The following GIPC2 variants were observed in gnomAD, a reference collection of about 807,000 sequenced individuals.
The protein encoded by GIPC2 is GIPC PDZ domain containing family member 2.
In GIPC2, 30 loss-of-function variants were observed where a neutral mutation model predicts 30.6. That is an observed-to-expected ratio of 0.98 (90% CI 0.73 to 1.33). GIPC2 has a LOEUF of 1.33. Among genes scored for constraint, GIPC2 ranks in the 40% most tolerant of loss-of-function variants. GIPC2 has a pLI of 0.00. For synonymous variants in GIPC2, 167 were observed against 150.0 expected (o/e 1.11, Z -0.83); for missense variants, 414 against 390.3 (o/e 1.06, Z -0.51).
At chr1:78,075,102 G>T (rs902199817) in intron 1 of GIPC2, among the ~76,000 whole-genome samples, 2 of 152,136 alleles carry the variant, frequency 1.3e-5, no homozygotes, top group African/African-American at 4.8e-5. Context: ...GTTTTCAGCT[G>T]CAAGTAACAG....
At chr1:78,084,282 G>C (rs1167466269) in intron 2 of GIPC2, among the ~76,000 whole-genome samples, 3 of 152,190 alleles carry the variant, frequency 2.0e-5, no homozygotes, top group Non-Finnish European at 4.4e-5. Flanking sequence ...GGGAGGCTGA[G>C]GTAGGTGGAT....
At chr1:78,110,487 T>C (rs1662447169) in intron 3 of GIPC2, among the ~76,000 whole-genome samples, 1 of 152,248 alleles carries the variant, frequency 6.6e-6, no homozygotes, top group Non-Finnish European at 1.5e-5. Flanking sequence ...TTTGTAGTCT[T>C]GTCCTGAGAG....
intron 3 of GIPC2, among the ~76,000 whole-genome samples, chr1:78,114,679 T>A (rs576009999): frequency 6.6e-6 from 1 of 152,134 alleles, no homozygotes; most frequent in East Asian, 1.9e-4. Flanking sequence ...GCTCAGAGGA[T>A]TTTTAGGGCA....
At chr1:78,051,577 G>A (rs563981963) in intron 1 of GIPC2, among the ~76,000 whole-genome samples, 1 of 151,876 alleles carries the variant, frequency 6.6e-6, no homozygotes, top group Non-Finnish European at 1.5e-5. Flanking sequence ...TCGGCTCACT[G>A]CAACCTCTGC....
Position 78,135,725 on chromosome 1 carries a change from C to G in GIPC2, c.930C>G (p.Ala310=), listed in dbSNP as rs1452696649. ...VFDVWGVIGD[A]KRRGL is the part of the protein sequence containing the mutation. ...ATGTTTGGGGAGTCATTGGTGATGC[C>G]AAACGAAGAGGATTATGATGTGTAC... The change falls in exon 6 of 6, where the codon GCC becomes GCG. Residue 310 remains alanine, a synonymous_variant. Transcript: ENST00000370759. The G allele has an allele frequency of 6.2e-7, 1 of 1,613,598 alleles. No individual in the cohort carries two copies. The highest frequency in any genetic ancestry group is 1.1e-5 in the South Asian group (1 of 90,976).
At chr1:78,097,260 A>G (rs746274826) in intron 3 of GIPC2, among the ~76,000 whole-genome samples, 9 of 151,998 alleles carry the variant, frequency 5.9e-5, no homozygotes, top group Non-Finnish European at 1.2e-4. Context: ...TTCAAATTTC[A>G]TAGTCCTTCA....
chr1:78,047,324 G>A (rs1037793838), intron 1 of GIPC2, among the ~76,000 whole-genome samples: 2 of 152,194 alleles, frequency 1.3e-5, no homozygotes, highest in African/African-American at 4.8e-5. Context: ...GGCACCTGGA[G>A]TTCTTTAATT....
rs188245901 is a variant in GIPC2 at position 78,107,922 on chromosome 1, A to C, written c.608-11471A>C. ...TATTGTAGCTTTACAGTTTTCAACT[A>C]TATGATGCTCCTCATTAAACAATTT... On this transcript the variant is annotated intron_variant, in intron 3 of 5. Coordinates refer to ENST00000370759, the MANE Select transcript of GIPC2 (RefSeq NM_017655.6). Among the ~76,000 whole-genome samples, 11 of 150,540 alleles carry C rather than the reference A, an allele frequency of 7.3e-5. No individual in the cohort carries two copies. The East Asian group carries it at 2.2e-3, about 30-fold the overall frequency.
rs1270552972 is a variant in GIPC2, at chr1:78,138,184, T to C, written c.*2441T>C. 1.3e-5 allele frequency: 2 copies of C among 152,180 alleles called. No homozygotes were observed. The highest frequency in any genetic ancestry group is 4.8e-5 in the African/African-American group (2 of 41,446). 9.4% of individuals were successfully genotyped at this position (152,180 alleles called of 1,614,324 possible). A position where few individuals can be genotyped will look rare whatever the true frequency, so the allele number is the denominator to read the frequency against. On this transcript the variant is annotated 3_prime_UTR_variant, in exon 6 of 6. Coordinates refer to ENST00000370759, the MANE Select transcript of GIPC2 (RefSeq NM_017655.6). ...TGAGGCCTTGAACATAGCTGAGTCC[T>C]AATCAGATGTATATACTCTGATGAT...
intron 3 of GIPC2, among the ~76,000 whole-genome samples, chr1:78,115,884 A>G (rs1292962082): frequency 6.6e-6 from 1 of 152,244 alleles, no homozygotes; most frequent in African/African-American, 2.4e-5. Context: ...CAAAATTAAT[A>G]TGCAAAATTA....
At chr1:78,066,622 A>G (rs1310648116) in intron 1 of GIPC2, among the ~76,000 whole-genome samples, 1 of 152,210 alleles carries the variant, frequency 6.6e-6, no homozygotes, top group Non-Finnish European at 1.5e-5. Flanking sequence ...TAGCAAAGAC[A>G]TGGATTCAAC....
chr1:78,097,682 A>G (rs974916097), intron 3 of GIPC2, among the ~76,000 whole-genome samples: 9 of 152,204 alleles, frequency 5.9e-5, no homozygotes, highest in Non-Finnish European at 5.9e-5. Flanking sequence ...ATGGAGAGCT[A>G]CGTAATAAAC....
At position 78,055,604 on chromosome 1, in the gene GIPC2, T is replaced by C. The variant is rs191835572; in HGVS notation, c.240+9270T>C. Among the ~76,000 whole-genome samples the C allele has an allele frequency of 3.3e-5, 5 of 152,310 alleles. No homozygotes were observed. The East Asian group carries it at 7.7e-4, about 24-fold the overall frequency. The stretch of plus-strand genomic sequence containing the variant: ...CATCCTCTTGACTTTGCTCCTCCCA[T>C]TATTACCTCACCCCACTGTGTCTTT... On this transcript the variant is annotated intron_variant, in intron 1 of 5. Coordinates refer to ENST00000370759, the MANE Select transcript of GIPC2 (RefSeq NM_017655.6).
chr1:78,070,570 C>T (rs185114351), intron 1 of GIPC2, among the ~76,000 whole-genome samples: 1 of 151,796 alleles, frequency 6.6e-6, no homozygotes. Context: ...TTATTTTATT[C>T]GTTGGTTTAG....
intron 4 of GIPC2, among the ~76,000 whole-genome samples, chr1:78,120,786 C>T (rs751014934): frequency 3.9e-5 from 6 of 152,162 alleles, no homozygotes; most frequent in Admixed American, 1.3e-4. Context: ...AAAAACCTGC[C>T]GCCATGATTC....
At chr1:78,049,549 T>C (rs1286041419) in intron 1 of GIPC2, among the ~76,000 whole-genome samples, 2 of 152,220 alleles carry the variant, frequency 1.3e-5, no homozygotes, top group African/African-American at 4.8e-5. Flanking sequence ...GCCTTTTTTC[T>C]AGAGTGGTGG....
upstream of GIPC2, among the ~76,000 whole-genome samples, chr1:78,045,379 A>G (rs2102629161): frequency 6.6e-6 from 1 of 152,316 alleles, no homozygotes; most frequent in South Asian, 2.1e-4. Context: ...AATGGCCTCA[A>G]TTTTCTTTGT....
chr1:78,093,543 T>C (rs1662081306), intron 2 of GIPC2, among the ~76,000 whole-genome samples: 1 of 152,232 alleles, frequency 6.6e-6, no homozygotes, highest in African/African-American at 2.4e-5. Context: ...TTTTGATTTA[T>C]AATAATGCAA....
intron 1 of GIPC2, among the ~76,000 whole-genome samples, chr1:78,056,874 T>C (rs1490850248): frequency 6.6e-6 from 1 of 152,222 alleles, no homozygotes; most frequent in African/African-American, 2.4e-5. Context: ...AATATGTTTT[T>C]GAGTCTTTTT....
Sources: gnomAD v4.1 joint callset for allele counts (sites outside exome capture counted in the v4.1 genomes callset) on GRCh38, gnomAD v4.1.1 for gene constraint, MANE v1.5 for transcripts, NCBI Gene and HGNC (gene_info 2026-07-23, HGNC 2026-07-21) for gene names.